TMC1: variants seen among roughly 807,000 people sequenced by gnomAD.
The protein encoded by TMC1 is transmembrane channel like 1, also known as transmembrane channel-like protein 1.
In TMC1, 84 loss-of-function variants were observed where a neutral mutation model predicts 105.8. That is an observed-to-expected ratio of 0.79 (90% CI 0.67 to 0.95). The LOEUF (loss-of-function observed/expected upper bound fraction) is 0.95. Ranked by LOEUF, TMC1 falls within the 40% of genes least tolerant of loss-of-function variation. TMC1 has a pLI of 0.00. For synonymous variants in TMC1, 315 were observed against 311.5 expected (o/e 1.01, Z -0.12); for missense variants, 817 against 914.1 (o/e 0.89, Z 1.37).
intron 13 of TMC1, among the ~76,000 whole-genome samples, chr9:72,775,882 C>G (rs2118138529): frequency 6.6e-6 from 1 of 152,198 alleles, no homozygotes; most frequent in South Asian, 2.1e-4. Context: ...TGGGGAGGTG[C>G]TGGGCTCTTT....
chr9:72,656,051 G>A (rs1825879926), intron 5 of TMC1: 2 of 720,288 alleles, frequency 2.8e-6, no homozygotes, highest in Admixed American at 3.5e-5. Context: ...TTCACTTTGA[G>A]ATTCTTTTCC....
At chr9:72,771,248 T>C (rs995423131) in intron 12 of TMC1, among the ~76,000 whole-genome samples, 2 of 152,218 alleles carry the variant, frequency 1.3e-5, no homozygotes, top group African/African-American at 4.8e-5. Context: ...AAGAGTACAA[T>C]ATTTAAGAAA....
chr9:72,789,412 TTTACC>T, intron 15 of TMC1, 95 bp downstream of exon 15: 1 of 1,218,288 alleles, frequency 8.2e-7, no homozygotes, highest in East Asian at 2.3e-5. Flanking sequence ...AAGGCCACCC[TTTACC>T]TATCCCCTAT....
intron 10 of TMC1, among the ~76,000 whole-genome samples, chr9:72,749,763 T>TA (rs938144191): frequency 7.5e-4 from 114 of 151,172 alleles, no homozygotes; most frequent in African/African-American, 2.1e-3. Context: ...CTTAAGTTTC[T>TA]AAAAAAAAAC....
chr9:72,731,659 C>T (rs981888276), intron 8 of TMC1, among the ~76,000 whole-genome samples: 3 of 152,156 alleles, frequency 2.0e-5, no homozygotes, highest in African/African-American at 7.2e-5. Context: ...TTACTAATAA[C>T]AGAATGAATT....
intron 2 of TMC1, among the ~76,000 whole-genome samples, chr9:72,601,674 A>C (rs926915903): frequency 1.3e-5 from 2 of 151,878 alleles, no homozygotes; most frequent in Non-Finnish European, 2.9e-5. Context: ...AAAACCAAAA[A>C]AACCAAAACA....
At chr9:72,799,775 G>T (rs1828438776) in intron 17 of TMC1, among the ~76,000 whole-genome samples, 1 of 152,102 alleles carries the variant, frequency 6.6e-6, no homozygotes. Flanking sequence ...TCTAATCTCT[G>T]GAACGATAAA....
intron 2 of TMC1, among the ~76,000 whole-genome samples, chr9:72,596,022 G>A (rs763394328): frequency 9.9e-5 from 15 of 151,864 alleles, no homozygotes; most frequent in African/African-American, 2.7e-4. Flanking sequence ...GACTACAGGC[G>A]CATGCCACCA....
intron 12 of TMC1, among the ~76,000 whole-genome samples, chr9:72,767,518 G>T (rs1350634807): frequency 6.6e-6 from 1 of 152,158 alleles, no homozygotes; most frequent in Admixed American, 6.5e-5. Context: ...TGTATATTGG[G>T]CAAATAGTAA....
At chr9:72,605,575 A>ATTT (rs376876900) in intron 2 of TMC1, among the ~76,000 whole-genome samples, 10 of 131,696 alleles carry the variant, frequency 7.6e-5, no homozygotes, top group Admixed American at 1.6e-4. Flanking sequence ...AGTCAGATTA[A>ATTT]TTTTTTTTTT....
intron 5 of TMC1, among the ~76,000 whole-genome samples, chr9:72,683,252 T>C (rs898224020): frequency 2.0e-5 from 3 of 151,290 alleles, no homozygotes; most frequent in Non-Finnish European, 2.9e-5. Context: ...TTTTACTCAT[T>C]CCTTTTGAAA....
intron 1 of TMC1, among the ~76,000 whole-genome samples, chr9:72,576,910 T>C (rs374136137): frequency 6.6e-6 from 1 of 152,144 alleles, no homozygotes; most frequent in Admixed American, 6.6e-5. Context: ...AATACAGTCA[T>C]GAGCCACCGC....
At chr9:72,830,834 C>T (rs1424473416) in intron 23 of TMC1, 152 bp downstream of exon 23, 2 of 710,530 alleles carry the variant, frequency 2.8e-6, no homozygotes, top group East Asian at 5.4e-5. Context: ...ACCTTTTTAG[C>T]CCTTCTCAGG....
intron 1 of TMC1, among the ~76,000 whole-genome samples, chr9:72,522,157 T>TTTTTTGTTG (rs1823323250): frequency 6.6e-6 from 1 of 151,716 alleles, no homozygotes; most frequent in Admixed American, 6.6e-5. Flanking sequence ...TTGATAAGTT[T>TTTTTTGTTG]TTTTTTTTTT....
chr9:72,532,229 C>A (rs895128323), intron 1 of TMC1, among the ~76,000 whole-genome samples: 2 of 152,056 alleles, frequency 1.3e-5, no homozygotes, highest in African/African-American at 2.4e-5. Flanking sequence ...CCATACCCAG[C>A]CTGAAGTTTT....
At chr9:72,522,913 A>C (rs913556963) in intron 1 of TMC1, among the ~76,000 whole-genome samples, 2 of 152,160 alleles carry the variant, frequency 1.3e-5, no homozygotes, top group Non-Finnish European at 2.9e-5. Flanking sequence ...TGTCCTGTGC[A>C]CTGTAGGATG....
chr9:72,575,917 AC>A (rs1477559568), intron 1 of TMC1, among the ~76,000 whole-genome samples: 2 of 152,146 alleles, frequency 1.3e-5, no homozygotes, highest in African/African-American at 4.8e-5. Flanking sequence ...TCACACACAC[AC>A]ACACACACAA....
At position 72,742,499 on chromosome 9, in the gene TMC1, G is replaced by A. The variant is rs752678337; in HGVS notation, c.509G>A (p.Trp170Ter). The A allele has an allele frequency of 1.7e-5, 28 of 1,613,964 alleles. No individual in the cohort carries two copies. The highest frequency in any genetic ancestry group is 2.1e-5 in the Non-Finnish European group (25 of 1,179,992). Reference sequence around the variant, plus strand: ...AACTTCAAAGCTGCGTGTGTCCCATGGGAAAATAAAATCAAGGCTATTGAA... The same window carrying A: ...AACTTCAAAGCTGCGTGTGTCCCATAGGAAAATAAAATCAAGGCTATTGAA... ...FENFKAACVPWENKIKAIESQ... is the reference protein window; with the variant it reads ...FENFKAACVP Residue 170 changes from tryptophan (W) to a stop codon, truncating the protein, a stop_gained, in exon 10 of 24, where the codon TGG (tryptophan) becomes TAG (stop). Coordinates refer to ENST00000297784, the MANE Select transcript of TMC1 (RefSeq NM_138691.3). LOFTEE classifies it high-confidence loss of function.
intron 4 of TMC1, among the ~76,000 whole-genome samples, chr9:72,640,908 G>A (rs1825617830): frequency 1.3e-5 from 2 of 152,088 alleles, no homozygotes; most frequent in Admixed American, 6.5e-5. Context: ...TGGGATTACA[G>A]GTGTGAGCCA....
Sources: gnomAD v4.1 joint callset for allele counts (sites outside exome capture counted in the v4.1 genomes callset) on GRCh38, gnomAD v4.1.1 for gene constraint, MANE v1.5 for transcripts, NCBI Gene and HGNC (gene_info 2026-07-23, HGNC 2026-07-21) for gene names.